The following PPP1CC variants were observed in gnomAD, a reference collection of about 807,000 sequenced individuals.
The protein encoded by PPP1CC is protein phosphatase 1 catalytic subunit gamma.
PPP1CC carries 16 observed loss-of-function variants against 38.4 expected under a neutral mutation model. The ratio of observed to expected loss-of-function variants is 0.42; its 90% confidence interval spans 0.28 to 0.63. The LOEUF (loss-of-function observed/expected upper bound fraction) is 0.63, where lower values mean the gene tolerates loss of function less well. Among genes scored for constraint, PPP1CC ranks in the 30% least tolerant of loss-of-function variants. The probability of loss-of-function intolerance (pLI) is 0.25; values close to 1 mark genes in which losing one functional copy is unlikely to be tolerated. For synonymous variants in PPP1CC, 158 were observed against 136.0 expected (o/e 1.16, Z -1.13); for missense variants, 170 against 391.3 (o/e 0.43, Z 4.77).
chr12:110,739,340 T>C (rs1200262232), intron 1 of PPP1CC, among the ~76,000 whole-genome samples: 1 of 151,738 alleles, frequency 6.6e-6, no homozygotes, highest in Admixed American at 6.6e-5. Flanking sequence ...TAATTACAGG[T>C]GTTCATTAGG....
At chr12:110,737,529 A>C (rs1050374621) in intron 1 of PPP1CC, among the ~76,000 whole-genome samples, 2 of 150,054 alleles carry the variant, frequency 1.3e-5, no homozygotes, top group Non-Finnish European at 3.0e-5. Flanking sequence ...GAACCCTTTA[A>C]GTTTCTCTGC....
chr12:110,712,262 T>A, the PPP1CC span, among the ~76,000 whole-genome samples: 1 of 151,870 alleles, frequency 6.6e-6, no homozygotes, highest in Non-Finnish European at 1.5e-5. Context: ...TGTATTCCCA[T>A]CGTTAAGTGA....
In PPP1CC at chr12:110,731,831, A is replaced by G. The variant is rs1266411443; in HGVS notation, c.126T>C (p.Ser42=). The change falls in exon 2 of 7, where the codon TCT becomes TCC. Residue 42 remains serine, a synonymous_variant. Coordinates refer to ENST00000335007, the MANE Select transcript of PPP1CC (RefSeq NM_002710.4). ...TAGGCTGACTGAGAAAGATTTCACG[A>G]GACTTTAAGCACAGTCCTCTGATTT... The part of the protein sequence containing the change: ...ENEIRGLCLK[S]REIFLSQPIL... 1 of 1,613,624 alleles carries G rather than the reference A, an allele frequency of 6.2e-7. No individual in the cohort carries two copies. Among genetic ancestry groups the G allele is most frequent in the Non-Finnish European group, 8.5e-7 (1 of 1,179,664 alleles).
At chr12:110,726,721 T>G (rs2069803867) in intron 3 of PPP1CC, 1 of 152,186 alleles carries the variant, frequency 6.6e-6, no homozygotes, top group Non-Finnish European at 1.5e-5. Flanking sequence ...AAGGAAATGC[T>G]CACTGGAGCA....
At chr12:110,721,652 A>G (rs1431929002) in intron 6 of PPP1CC, 2 of 174,468 alleles carry the variant, frequency 1.1e-5, no homozygotes, top group Non-Finnish European at 2.4e-5. Flanking sequence ...TACAAGTATC[A>G]TAATAAGCAA....
At chr12:110,731,668 A>G in intron 2 of PPP1CC, 102 bp downstream of exon 2, 2 of 1,330,368 alleles carry the variant, frequency 1.5e-6, no homozygotes, top group Non-Finnish European at 1.0e-6. Flanking sequence ...GCTATTCGCA[A>G]ACAGGATAAT....
intron 6 of PPP1CC, chr12:110,721,408 T>C (rs1393678673): frequency 5.6e-6 from 2 of 360,122 alleles, no homozygotes; most frequent in African/African-American, 2.1e-5. Context: ...AATGACAATC[T>C]TCTGAAGTCT....
intron 3 of PPP1CC, chr12:110,725,648 T>C (rs146074729): frequency 1.3e-5 from 2 of 152,404 alleles, no homozygotes; most frequent in African/African-American, 4.8e-5. Context: ...ACTGATGTTC[T>C]GAGTTTAAAA....
At chr12:110,712,973 T>C in the PPP1CC span, among the ~76,000 whole-genome samples, 8 of 151,888 alleles carry the variant, frequency 5.3e-5, no homozygotes, top group Admixed American at 5.2e-4. Flanking sequence ...CTTGGGAGGC[T>C]GAAGCAGGAG....
Position 110,731,894 on chromosome 12 carries a change from C to A in PPP1CC, c.63G>T (p.Gly21=), listed in dbSNP as rs1180009493. The change falls in exon 2 of 7, where the codon GGG becomes GGT. Residue 21 remains glycine (G), a synonymous_variant. Coordinates refer to ENST00000335007, the MANE Select transcript of PPP1CC (RefSeq NM_002710.4). ...SIIQRLLEVR[G]SKPGKNVQLQ... ...GCTGGACATTCTTACCAGGCTTGGA[C>A]CCTCTCACTGCAAGAGAAAAATCGC... The A allele has an allele frequency of 1.9e-6, 3 of 1,612,626 alleles. No individual in the cohort carries two copies. Among genetic ancestry groups the A allele is most frequent in the East Asian group, 2.2e-5 (1 of 44,834 alleles).
At chr12:110,724,918 ATTTT>A (rs2069779419) in intron 3 of PPP1CC, 154 bp from the exon 4 acceptor site, 1 of 448,330 alleles carries the variant, frequency 2.2e-6, no homozygotes, top group African/African-American at 2.0e-5. Flanking sequence ...AAACCATCTT[ATTTT>A]AAGGCTCTTT....
At chr12:110,729,712 T>C (rs1475332127) in intron 3 of PPP1CC, among the ~76,000 whole-genome samples, 3 of 152,224 alleles carry the variant, frequency 2.0e-5, no homozygotes, top group Non-Finnish European at 4.4e-5. Flanking sequence ...TATTTACGTA[T>C]TGCAAGATTC....
At chr12:110,724,316 T>G (rs2069771052) in intron 4 of PPP1CC, among the ~76,000 whole-genome samples, 1 of 152,160 alleles carries the variant, frequency 6.6e-6, no homozygotes, top group Admixed American at 6.5e-5. Context: ...AACCCAGCAC[T>G]TTGGAAGTCC....
chr12:110,710,705 G>C, the PPP1CC span, among the ~76,000 whole-genome samples: 2 of 100,434 alleles, frequency 2.0e-5, no homozygotes, highest in Non-Finnish European at 3.7e-5. Context: ...GTGACAGAAT[G>C]AGACTCTGTC....
chr12:110,733,101 T>G (rs1030433302), intron 1 of PPP1CC: 3 of 152,056 alleles, frequency 2.0e-5, no homozygotes, highest in African/African-American at 7.3e-5. Context: ...GTTTTTTTCG[T>G]AAGTAATTTT....
At chr12:110,733,446 T>C (rs1340887314) in intron 1 of PPP1CC, among the ~76,000 whole-genome samples, 2 of 152,198 alleles carry the variant, frequency 1.3e-5, no homozygotes, top group Non-Finnish European at 2.9e-5. Context: ...AGTTAGTCAA[T>C]GCCATCAGAT....
Position 110,731,907 on chromosome 12 carries a change from A to G in PPP1CC, c.56-6T>C. On this transcript the variant is annotated splice_region_variant and splice_polypyrimidine_tract_variant and intron_variant, in intron 1 of 6. Transcript: ENST00000335007. ...ACCAGGCTTGGACCCTCTCACTGCA[A>G]GAGAAAAATCGCAATTAGTCCAATG... 6.2e-7 allele frequency: 1 copy of G among 1,610,950 alleles called. No individual in the cohort carries two copies.
chr12:110,710,700 A>G, the PPP1CC span, among the ~76,000 whole-genome samples: 1 of 129,932 alleles, frequency 7.7e-6, no homozygotes, highest in African/African-American at 3.0e-5. Context: ...CCTGGGTGAC[A>G]GAATGAGACT....
rs368370650 is a variant in PPP1CC, at chr12:110,742,351, G to A, written c.55+302C>T. Among the ~76,000 whole-genome samples, 214 of 152,272 alleles carry A rather than the reference G, an allele frequency of 1.4e-3. 1 individual carries two copies. The highest frequency in any genetic ancestry group is 4.8e-3 in the African/African-American group (200 of 41,562). On this transcript the variant is annotated intron_variant, in intron 1 of 6. Transcript: ENST00000335007. ...ACCCGTCCAGTGCGCGGGGGCAAAC[G>A]GGTAGGGGCGGGAAACGTGGGGGTG...
Sources: gnomAD v4.1 joint callset for allele counts (sites outside exome capture counted in the v4.1 genomes callset) on GRCh38, gnomAD v4.1.1 for gene constraint, MANE v1.5 for transcripts, NCBI Gene and HGNC (gene_info 2026-07-23, HGNC 2026-07-21) for gene names.